YIPF1: variants seen among roughly 807,000 people sequenced by gnomAD.
YIPF1 encodes the protein protein YIPF1.
A neutral mutation model predicts 37.0 loss-of-function variants in YIPF1; 22 were observed. The observed-to-expected ratio is 0.59, with a 90% CI of 0.42 to 0.85. The LOEUF is 0.85. YIPF1 is among the 40% of genes least tolerant of loss of function. The probability of loss-of-function intolerance (pLI) is 0.00; values close to 1 mark genes in which losing one functional copy is unlikely to be tolerated. For synonymous variants in YIPF1, 128 were observed against 131.9 expected (o/e 0.97, Z 0.21); for missense variants, 355 against 373.1 (o/e 0.95, Z 0.40).
intron 8 of YIPF1, 127 bp from the exon 9 acceptor site, chr1:53,866,509 T>C (rs1650028697): frequency 1.8e-6 from 2 of 1,097,918 alleles, no homozygotes; most frequent in Admixed American, 2.7e-5. Context: ...GGTTTTTCAG[T>C]ACAGGCTGGA....
intron 6 of YIPF1, among the ~76,000 whole-genome samples, chr1:53,874,496 G>A (rs1358510601): frequency 6.6e-6 from 1 of 152,168 alleles, no homozygotes; most frequent in Non-Finnish European, 1.5e-5. Context: ...GCCGGGCATG[G>A]TGGTTCACAC....
intron 4 of YIPF1, among the ~76,000 whole-genome samples, chr1:53,879,755 G>T (rs961944011): frequency 3.3e-5 from 5 of 152,234 alleles, no homozygotes; most frequent in Admixed American, 6.5e-5. Context: ...CCGATTAGAA[G>T]TAGCTGTGGT....
In YIPF1 at chr1:53,883,282, A is replaced by G; in HGVS notation, c.32-6T>C. 1 of 1,558,292 alleles carries G rather than the reference A, an allele frequency of 6.4e-7. No individual in the cohort carries two copies. The highest frequency in any genetic ancestry group is 8.7e-7 in the Non-Finnish European group (1 of 1,155,960). The stretch of plus-strand genomic sequence containing the variant: ...AGTGGCTGCATTGCCAAATTCTGAA[A>G]TCAATTAGAGCACACGGGCCTCAGA... On this transcript the variant is annotated splice_region_variant and splice_polypyrimidine_tract_variant and intron_variant, in intron 3 of 10. Coordinates refer to ENST00000072644, the MANE Select transcript of YIPF1 (RefSeq NM_018982.5).
At chr1:53,860,250 C>A in intron 9 of YIPF1, 97 bp from the exon 10 acceptor site, 1 of 1,101,580 alleles carries the variant, frequency 9.1e-7, no homozygotes, top group South Asian at 1.4e-5. Context: ...TGGACTCTCA[C>A]AGCCCCTAAG....
intron 6 of YIPF1, among the ~76,000 whole-genome samples, chr1:53,873,661 C>G (rs1650252394): frequency 6.6e-6 from 1 of 151,076 alleles, no homozygotes; most frequent in Non-Finnish European, 1.5e-5. Context: ...CGCACTCCAG[C>G]CTTGGCAACA....
intron 7 of YIPF1, among the ~76,000 whole-genome samples, chr1:53,868,102 T>C (rs1650080887): frequency 6.6e-6 from 1 of 152,234 alleles, no homozygotes. Context: ...GTCCAAAACA[T>C]GTTTTAGCTC....
chr1:53,857,817 T>C (rs535410705), intron 10 of YIPF1, among the ~76,000 whole-genome samples: 31 of 151,976 alleles, frequency 2.0e-4, no homozygotes, highest in African/African-American at 7.5e-4. Context: ...CTATCTCTAT[T>C]AAAAATACAA....
At chr1:53,879,370 A>G (rs1361884907) in intron 4 of YIPF1, among the ~76,000 whole-genome samples, 1 of 152,138 alleles carries the variant, frequency 6.6e-6, no homozygotes, top group East Asian at 1.9e-4. Flanking sequence ...CGGGGATTAC[A>G]AGCGTGAGCC....
At chr1:53,860,954 C>T (rs1649854765) in intron 9 of YIPF1, among the ~76,000 whole-genome samples, 1 of 152,220 alleles carries the variant, frequency 6.6e-6, no homozygotes, top group South Asian at 2.1e-4. Flanking sequence ...TCTGTTACTA[C>T]ATCAAGGCTC....
chr1:53,858,766 T>C (rs777337786), intron 10 of YIPF1, among the ~76,000 whole-genome samples: 4 of 152,088 alleles, frequency 2.6e-5, no homozygotes, highest in Non-Finnish European at 5.9e-5. Context: ...TCCCAACTAG[T>C]TGGGACTACA....
intron 10 of YIPF1, among the ~76,000 whole-genome samples, chr1:53,859,093 T>C (rs1649797780): frequency 1.3e-5 from 2 of 152,212 alleles, no homozygotes; most frequent in Admixed American, 1.3e-4. Context: ...AGAGTGTGGC[T>C]TCATTTATTC....
At position 53,871,400 on chromosome 1, in the gene YIPF1, C is replaced by G; in HGVS notation, c.453G>C (p.Thr151=). Residue 151 remains threonine (T), a synonymous_variant, in exon 7 of 11, where the codon ACG becomes ACC. Coordinates refer to ENST00000072644, the MANE Select transcript of YIPF1 (RefSeq NM_018982.5). ...TTCGGAATTCGGGCACATAATGGTA[C>G]GTCTTCTCTCCCAGATGGATCAAGA... ...SNFLIHLGEK[T]YHYVPEFRKV... 1 of 1,613,848 alleles carries G rather than the reference C, an allele frequency of 6.2e-7. No individual in the cohort carries two copies.
intron 4 of YIPF1, among the ~76,000 whole-genome samples, chr1:53,879,708 CA>C (rs1407031520): frequency 6.6e-6 from 1 of 152,144 alleles, no homozygotes; most frequent in Non-Finnish European, 1.5e-5. Flanking sequence ...GTGCTATAGG[CA>C]GATATTTTTT....
At chr1:53,854,103 T>C (rs11589713) in intron 10 of YIPF1, among the ~76,000 whole-genome samples, 6,949 of 151,798 alleles carry the variant, frequency 0.046, 196 homozygotes, top group East Asian at 0.12. Flanking sequence ...TACAGAAAAA[T>C]TAGCCAGGCA....
Position 53,866,263 on chromosome 1 carries a change from G to A in YIPF1, c.768C>T (p.Arg256=), listed in dbSNP as rs777379531. 1.3e-4 allele frequency: 211 copies of A among 1,614,028 alleles called. No homozygotes were observed. The highest frequency in any genetic ancestry group is 1.7e-4 in the Non-Finnish European group (196 of 1,180,042). Residue 256 remains arginine, a synonymous_variant, in exon 9 of 11, where the codon CGC becomes CGT. Transcript: ENST00000072644. ...FWPAVREDNR[R]VALATIVTIV... The stretch of plus-strand genomic sequence containing the variant: ...TTGTCACAATTGTGGCCAATGCAAC[G>A]CGTCGGTTATCCTCACGAACAGCTG...
At chr1:53,868,003 G>A (rs951226704) in intron 7 of YIPF1, among the ~76,000 whole-genome samples, 3 of 152,124 alleles carry the variant, frequency 2.0e-5, no homozygotes, top group Non-Finnish European at 1.5e-5. Flanking sequence ...CTTTCTACAT[G>A]AAAATCAGTA....
intron 6 of YIPF1, among the ~76,000 whole-genome samples, chr1:53,877,653 AG>A (rs1650367481): frequency 6.6e-6 from 1 of 152,142 alleles, no homozygotes; most frequent in Non-Finnish European, 1.5e-5. Flanking sequence ...AAATCCTAAA[AG>A]GAGCCAGCTC....
Position 53,883,208 on chromosome 1 carries a change from C to T in YIPF1, c.100G>A (p.Gly34Ser), listed in dbSNP as rs529345989. ...CCTGGCTGATGTTTTGGGGTTTCACCAGGATCCTCAATGTTTACTGTGGTG... is the reference window on the plus strand; with the variant it reads ...CCTGGCTGATGTTTTGGGGTTTCACTAGGATCCTCAATGTTTACTGTGGTG... ...DATTVNIEDP[G>S]ETPKHQPGSP... The change falls in exon 4 of 11, where the codon GGT becomes AGT. Residue 34 changes from glycine (G) to serine (S), a missense_variant. Coordinates refer to ENST00000072644, the MANE Select transcript of YIPF1 (RefSeq NM_018982.5). The T allele has an allele frequency of 9.3e-5, 149 of 1,597,690 alleles. 3 individuals are homozygous for T. The South Asian group carries it at 1.5e-3, about 16-fold the overall frequency.
intron 3 of YIPF1, among the ~76,000 whole-genome samples, chr1:53,887,287 C>A (rs1294238656): frequency 6.6e-6 from 1 of 151,900 alleles, no homozygotes; most frequent in East Asian, 1.9e-4. Flanking sequence ...ACCATGTTGG[C>A]CAGACTGGTC....
Sources: gnomAD v4.1 joint callset for allele counts (sites outside exome capture counted in the v4.1 genomes callset) on GRCh38, gnomAD v4.1.1 for gene constraint, MANE v1.5 for transcripts, NCBI Gene and HGNC (gene_info 2026-07-23, HGNC 2026-07-21) for gene names.